BPIFB4: variants seen among roughly 807,000 people sequenced by gnomAD.
BPIFB4 encodes the protein BPI fold containing family B member 4.
A neutral mutation model predicts 69.2 loss-of-function variants in BPIFB4; 62 were observed. That is an observed-to-expected ratio of 0.90 (90% CI 0.73 to 1.11). The LOEUF (loss-of-function observed/expected upper bound fraction) is 1.11, where lower values mean the gene tolerates loss of function less well. BPIFB4 is among the 50% of genes least tolerant of loss of function. BPIFB4 has a pLI of 0.00. For synonymous variants in BPIFB4, 330 were observed against 332.7 expected, an observed-to-expected ratio of 0.99 and a Z score of 0.09; for missense variants, 789 against 792.0, an observed-to-expected ratio of 1.00 and a Z score of 0.04.
rs1178985034 is a variant in BPIFB4, at chr20:33,092,452, C to T, written c.1144-6C>T. The T allele has an allele frequency of 1.2e-6, 2 of 1,611,252 alleles. No homozygotes were observed. Among genetic ancestry groups the T allele is most frequent in the Middle Eastern group, 1.7e-4 (1 of 6,002 alleles). On this transcript the variant is annotated splice_polypyrimidine_tract_variant and splice_region_variant and intron_variant, in intron 10 of 17. Transcript: ENST00000375483. The stretch of plus-strand genomic sequence containing the variant: ...CCTGTGACCCCTTTCTTCTCTTCTC[C>T]CCCAGACGCTGGTTGGGGAGGCTGG...
Position 33,085,016 on chromosome 20 carries a change from G to A in BPIFB4, c.782+20G>A. 6.2e-6 allele frequency: 10 copies of A among 1,606,200 alleles called. No homozygotes were observed. Among genetic ancestry groups the A allele is most frequent in the Non-Finnish European group, 8.5e-6 (10 of 1,178,108 alleles). ...GAAGAGGTGCGTGCCCTTGGCCCTG[G>A]AGGGGTCCCCACCACCCTATGGCCC... On this transcript the variant is annotated intron_variant, in intron 6 of 17. Coordinates refer to ENST00000375483, the MANE Select transcript of BPIFB4 (RefSeq NM_182519.3).
chr20:33,083,611 A>G lies in BPIFB4; in HGVS notation c.414A>G (p.Arg138=), dbSNP rs1206234549. The change falls in exon 5 of 18, where the codon CGA becomes CGG. Residue 138 remains arginine, a synonymous_variant. Transcript: ENST00000375483. ...NAYGGHRGLG[R]YRAAPVGRLH... ...ATGGAGGCCACAGGGGCCTCGGGCG[A>G]TACAGGGCAGCACCTGTGGGCAGGC... The G allele has an allele frequency of 3.1e-6, 5 of 1,613,882 alleles. No homozygotes were observed. The highest frequency in any genetic ancestry group is 1.7e-6 in the Non-Finnish European group (2 of 1,179,972).
chr20:33,086,160 C>G lies in BPIFB4; in HGVS notation c.922C>G (p.Arg308Gly). 6.2e-7 allele frequency: 1 copy of G among 1,604,978 alleles called. No individual in the cohort carries two copies. Among genetic ancestry groups the G allele is most frequent in the Non-Finnish European group, 8.5e-7 (1 of 1,172,516 alleles). The change falls in exon 7 of 18, where the codon CGA becomes GGA. Residue 308 changes from arginine (R) to glycine (G), a missense_variant. Coordinates refer to ENST00000375483, the MANE Select transcript of BPIFB4 (RefSeq NM_182519.3). Reference protein sequence around the residue: ...LLGGIKVKLLRGLLPNLVDNL... With the variant: ...LLGGIKVKLLGGLLPNLVDNL... ...AGGGGGCATCAAAGTCAAGCTGCTG[C>G]GAGGGTGAGTGCTAGCCGGCAGTGG...
At position 33,095,154 on chromosome 20, in the gene BPIFB4, G is replaced by T; in HGVS notation, c.1398+1G>T. 1 of 1,606,548 alleles carries T rather than the reference G, an allele frequency of 6.2e-7. No individual in the cohort carries two copies. The highest frequency in any genetic ancestry group is 8.5e-7 in the Non-Finnish European group (1 of 1,173,102). On this transcript the variant is annotated splice_donor_variant, in intron 12 of 17. Transcript: ENST00000375483. LOFTEE classifies it high-confidence loss of function. Reference sequence around the variant, plus strand: ...CACACTGGGAGCCCTGATCCCCAAGGTATGTAAGGTGGGCAGGTCCCATTG... The same window carrying T: ...CACACTGGGAGCCCTGATCCCCAAGTTATGTAAGGTGGGCAGGTCCCATTG...
intron 13 of BPIFB4, among the ~76,000 whole-genome samples, chr20:33,099,018 A>C (rs1002122759): frequency 7.0e-5 from 10 of 142,372 alleles, no homozygotes; most frequent in African/African-American, 2.1e-4. Flanking sequence ...ATGGAGTCTC[A>C]CTCTGTGGTG....
At chr20:33,092,259 T>G (rs535695222) in intron 10 of BPIFB4, among the ~76,000 whole-genome samples, 199 bp from the exon 11 acceptor site, 1 of 152,288 alleles carries the variant, frequency 6.6e-6, no homozygotes, top group African/African-American at 2.4e-5. Flanking sequence ...TAAGTGACCA[T>G]GAAGCAGGAA....
intron 11 of BPIFB4, 88 bp downstream of exon 11, chr20:33,092,746 G>T: frequency 7.6e-7 from 1 of 1,312,348 alleles, no homozygotes; most frequent in Non-Finnish European, 1.1e-6. Flanking sequence ...TGGGGAATTT[G>T]CTGTGAAGTG....
intron 12 of BPIFB4, among the ~76,000 whole-genome samples, chr20:33,095,388 G>A (rs1600559089): frequency 6.6e-6 from 1 of 152,170 alleles, no homozygotes; most frequent in African/African-American, 2.4e-5. Flanking sequence ...GGTCCAGCCT[G>A]CATAGGCCTA....
Position 33,104,591 on chromosome 20 carries a change from G to C in BPIFB4, c.1681-219G>C. ...GGGCCTTGGGCCACCACCCATGCTG[G>C]GCCTCAGTCTGCCCATCTGCACAAT... is the stretch of plus-strand genomic sequence containing the variant. On this transcript the variant is annotated intron_variant, in intron 15 of 17. Transcript: ENST00000375483. 3 of 511,234 alleles carry C rather than the reference G, an allele frequency of 5.9e-6. No homozygotes were observed. The South Asian group carries it at 8.7e-5, about 15-fold the overall frequency. 31.7% of individuals were successfully genotyped at this position (511,234 alleles called of 1,614,324 possible). A position where few individuals can be genotyped will look rare whatever the true frequency, so the allele number is the denominator to read the frequency against.
At chr20:33,090,196 G>A (rs1981557797) in intron 9 of BPIFB4, among the ~76,000 whole-genome samples, 2 of 152,244 alleles carry the variant, frequency 1.3e-5, no homozygotes, top group South Asian at 4.1e-4. Flanking sequence ...AGCCGTCTCT[G>A]ATAGTGTTCC....
At chr20:33,091,202 G>A (rs1365955597) in intron 10 of BPIFB4, among the ~76,000 whole-genome samples, 1 of 152,186 alleles carries the variant, frequency 6.6e-6, no homozygotes, top group Non-Finnish European at 1.5e-5. Context: ...GTGGGATTGG[G>A]TGTACTGGAG....
At chr20:33,097,916 G>C in intron 13 of BPIFB4, 129 bp downstream of exon 13, 1 of 1,029,424 alleles carries the variant, frequency 9.7e-7, no homozygotes, top group Non-Finnish European at 1.4e-6. Flanking sequence ...CAACTTTGGG[G>C]CCAGAGGCTC....
intron 5 of BPIFB4, among the ~76,000 whole-genome samples, chr20:33,084,572 C>T (rs1981360052): frequency 6.6e-6 from 1 of 152,174 alleles, no homozygotes; most frequent in African/African-American, 2.4e-5. Flanking sequence ...CAGGAGGAAC[C>T]TATATGTATA....
At position 33,084,819 on chromosome 20, in the gene BPIFB4, T is replaced by C. The variant is rs566539416; in HGVS notation, c.678-73T>C. ...AGACGGGGAGCAGAGAAAGGGGGTG[T>C]AGGGGAGGGCGCTCGGGTGAGTGGG... On this transcript the variant is annotated intron_variant, in intron 5 of 17. Transcript: ENST00000375483. 1.2e-3 allele frequency: 1,898 copies of C among 1,544,602 alleles called. 23 individuals are homozygous for C. The South Asian group carries it at 0.015, about 12-fold the overall frequency.
chr20:33,084,897 G>A lies in BPIFB4; in HGVS notation c.683G>A (p.Arg228His), dbSNP rs537361835. Residue 228 changes from arginine to histidine, a missense_variant, in exon 6 of 18, where the codon CGT becomes CAT. By Grantham distance (29) the Arg-to-His change is conservative (BLOSUM62 0). Transcript: ENST00000375483. Reference protein sequence around the residue: ...LSTVQGITGLRIVELTLPRVS... With the variant: ...LSTVQGITGLHIVELTLPRVS... ...CCACTCTGTGTCCCGAGCAGGCTGC[G>A]TATCGTGGAGCTGACCCTCCCTCGG... The A allele has an allele frequency of 2.9e-5, 46 of 1,607,498 alleles. No individual in the cohort carries two copies. The highest frequency in any genetic ancestry group is 1.2e-4 in the Admixed American group (7 of 60,014).
rs760956281 is a variant in BPIFB4 at position 33,084,954 on chromosome 20, T to TC, written c.741dup (p.Tyr248LeufsTer46). The TC allele has an allele frequency of 6.2e-7, 1 of 1,611,826 alleles. No individual in the cohort carries two copies. Among genetic ancestry groups the TC allele is most frequent in the African/African-American group, 1.3e-5 (1 of 74,902 alleles). ...GTGCGGCTCCTGCCCGGCGTGGGTG[T>TC]CTACCTGAGCTTGTACACCCGTGTG... is the stretch of plus-strand genomic sequence containing the variant. On this transcript the variant is annotated frameshift_variant, in exon 6 of 18. Transcript: ENST00000375483. LOFTEE classifies it high-confidence loss of function.
intron 13 of BPIFB4, among the ~76,000 whole-genome samples, chr20:33,099,463 C>T (rs1434017320): frequency 6.6e-6 from 1 of 152,224 alleles, no homozygotes; most frequent in Non-Finnish European, 1.5e-5. Flanking sequence ...CCTGCAGTGA[C>T]TCCTGCTGTC....
rs1366330059 is a variant in BPIFB4, at chr20:33,081,553, G to A, written c.27G>A (p.Ala9=). MWMAWCVA[A]LSVVAVCGTS... ...TGTGGATGGCCTGGTGTGTGGCTGC[G>A]CTGTCTGTGGTGGCTGTGTGTGGCA... is the stretch of plus-strand genomic sequence containing the variant. Residue 9 remains alanine (A), a synonymous_variant, in exon 3 of 18, where the codon GCG becomes GCA. Transcript: ENST00000375483. 1.4e-5 allele frequency: 21 copies of A among 1,551,592 alleles called. No homozygotes were observed. Among genetic ancestry groups the A allele is most frequent in the East Asian group, 7.3e-5 (3 of 40,940 alleles).
Position 33,083,676 on chromosome 20 carries a change from G to C in BPIFB4, c.479G>C (p.Gly160Ala). The C allele has an allele frequency of 1.2e-6, 2 of 1,614,076 alleles. No homozygotes were observed. The highest frequency in any genetic ancestry group is 1.7e-6 in the Non-Finnish European group (2 of 1,179,994). The change falls in exon 5 of 18, where the codon GGA becomes GCA. Residue 160 changes from glycine (G) to alanine (A), a missense_variant. Transcript: ENST00000375483. ...CTGCAGCCTGGAGAAATCCCACCTG[G>C]AGTTGCCACTGGGGCGGTGGGCCCA... is the stretch of plus-strand genomic sequence containing the variant. ...RELQPGEIPP[G>A]VATGAVGPGG...
Sources: allele counts gnomAD v4.1 joint callset (sites outside exome capture counted in the v4.1 genomes callset), GRCh38; gene constraint gnomAD v4.1.1; transcripts MANE v1.5; gene names NCBI Gene and HGNC (gene_info 2026-07-23, HGNC 2026-07-21).